Variants in PCDHGB4 observed in about 807,000 individuals in gnomAD.
PCDHGB4 encodes protocadherin gamma subfamily B, 4.
PCDHGB4 carries 38 observed loss-of-function variants against 60.5 expected under a neutral mutation model. The ratio of observed to expected loss-of-function variants is 0.63; its 90% CI spans 0.48 to 0.82. The LOEUF (loss-of-function observed/expected upper bound fraction) is 0.82. Among genes scored for constraint, PCDHGB4 ranks in the 40% least tolerant of loss-of-function variants. The pLI is 0.00. For synonymous variants in PCDHGB4, 456 were observed against 509.7 expected (o/e 0.89, Z 1.42); for missense variants, 1,109 against 1,209.6 (o/e 0.92, Z 1.23).
chr5:141,392,791 G>T, intron 1 of PCDHGB4: 1 of 1,557,836 alleles, frequency 6.4e-7, no homozygotes, highest in Non-Finnish European at 8.7e-7. Flanking sequence ...AAGATTCTGA[G>T]AGGATTCTGC....
intron 1 of PCDHGB4, among the ~76,000 whole-genome samples, chr5:141,456,538 A>T (rs1010588747): frequency 7.2e-5 from 11 of 152,184 alleles, no homozygotes; most frequent in Admixed American, 3.3e-4. Context: ...TTAAAGAGGG[A>T]TTGTAGCCAC....
chr5:141,461,255 G>A (rs1466460215), intron 1 of PCDHGB4, among the ~76,000 whole-genome samples: 1 of 152,098 alleles, frequency 6.6e-6, no homozygotes. Flanking sequence ...ATTCCCAGCA[G>A]CAATGTGTAA....
chr5:141,441,057 A>T (rs2098222263), intron 1 of PCDHGB4: 2 of 152,152 alleles, frequency 1.3e-5, no homozygotes, highest in South Asian at 4.1e-4. Flanking sequence ...ACTTTTAAAG[A>T]TTTTTAATTT....
intron 1 of PCDHGB4, chr5:141,399,248 A>G (rs2150780633): frequency 6.2e-7 from 1 of 1,613,870 alleles, no homozygotes; most frequent in South Asian, 1.1e-5. Context: ...GATTCTGGGG[A>G]AAATGGGGAG....
At chr5:141,435,447 A>C (rs2097764160) in intron 1 of PCDHGB4, among the ~76,000 whole-genome samples, 1 of 152,168 alleles carries the variant, frequency 6.6e-6, no homozygotes, top group Non-Finnish European at 1.5e-5. Context: ...CATTAATACG[A>C]TATCTGTATG....
chr5:141,388,965 G>A lies in PCDHGB4; in HGVS notation c.1081G>A (p.Gly361Arg). 2 of 1,613,978 alleles carry A rather than the reference G, an allele frequency of 1.2e-6. No individual in the cohort carries two copies. The highest frequency in any genetic ancestry group is 1.7e-6 in the Non-Finnish European group (2 of 1,179,886). ...PNLIMEDAEL[G>R]THIALLKVRD... ...CCTAATTATGGAGGACGCCGAGCTG[G>A]GAACACATATTGCTTTGCTCAAAGT... The change falls in exon 1 of 4, where the codon GGA (glycine) becomes AGA (arginine). Residue 361 changes from glycine to arginine, a missense_variant. Gly to Arg is a moderately radical substitution (Grantham distance 125, BLOSUM62 -2). Around this residue, in one of 2 missense-constraint regions of PCDHGB4, gnomAD observed 1,068 missense variants for 1,089.9 expected, o/e 0.98. Transcript: ENST00000519479.
Position 141,431,980 on chromosome 5 carries a change from C to G in PCDHGB4, c.2397+41699C>G. The G allele has an allele frequency of 6.2e-7, 1 of 1,614,214 alleles. No homozygotes were observed. The highest frequency in any genetic ancestry group is 8.5e-7 in the Non-Finnish European group (1 of 1,180,024). ...GAAATTACTATAGTTTAGTCACAGACATAGTCTTGGATAGGGAACAGGTTC... is the reference window on the plus strand; with the variant it reads ...GAAATTACTATAGTTTAGTCACAGAGATAGTCTTGGATAGGGAACAGGTTC... On this transcript the variant is annotated intron_variant, in intron 1 of 3. Transcript: ENST00000519479. The surrounding 1 kb of genome is among the most constrained non-coding windows in gnomAD (Gnocchi z 4.8).
At chr5:141,429,489 A>G (rs2097218567) in intron 1 of PCDHGB4, among the ~76,000 whole-genome samples, 1 of 152,062 alleles carries the variant, frequency 6.6e-6, no homozygotes, top group South Asian at 2.1e-4. Context: ...AGCTGAGACT[A>G]CAGTTGCCTG....
intron 1 of PCDHGB4, chr5:141,408,178 G>A (rs1425207794): frequency 1.3e-6 from 2 of 1,535,708 alleles, no homozygotes; most frequent in Non-Finnish European, 1.8e-6. Context: ...GAAAAGCGGG[G>A]ACCCAGCGAG....
At chr5:141,410,492 T>C in intron 1 of PCDHGB4, 2 of 1,613,912 alleles carry the variant, frequency 1.2e-6, no homozygotes, top group Non-Finnish European at 1.7e-6. Flanking sequence ...TACAAAAGAG[T>C]TTAATTTCCT....
rs747852798 is a variant in PCDHGB4, at chr5:141,388,032, C to T, written c.148C>T (p.Leu50Phe). ...EMPKGSVVGN[L>F]ATDLGFSVQE... ...GCCCAAGGGCTCCGTAGTGGGGAAC[C>T]TCGCCACGGACCTGGGGTTCAGCGT... The change falls in exon 1 of 4, where the codon CTC (leucine) becomes TTC (phenylalanine). Residue 50 changes from leucine to phenylalanine, a missense_variant. Transcript: ENST00000519479. The T allele has an allele frequency of 2.1e-6, 3 of 1,431,396 alleles. No homozygotes were observed. Among genetic ancestry groups the T allele is most frequent in the Non-Finnish European group, 1.9e-6 (2 of 1,053,242 alleles). The allele number at this position is 1,431,396 out of a possible 1,614,324, so 88.7% of individuals were successfully genotyped here.
In PCDHGB4 at chr5:141,430,200, T is replaced by G. The variant is rs182960813; in HGVS notation, c.2397+39919T>G. Among the ~76,000 whole-genome samples the G allele has an allele frequency of 8.2e-4, 124 of 152,052 alleles. 2 individuals are homozygous for G. Among genetic ancestry groups the G allele is most frequent in the African/African-American group, 2.9e-3 (119 of 41,468 alleles). ...CCCAAATTATAGCTGAATCAGAAAG[T>G]TTAAATTATTATATTATATGATTTG... On this transcript the variant is annotated intron_variant, in intron 1 of 3. Transcript: ENST00000519479.
chr5:141,475,202 G>T (rs746895166), intron 1 of PCDHGB4, among the ~76,000 whole-genome samples: 38 of 152,086 alleles, frequency 2.5e-4, no homozygotes, highest in Non-Finnish European at 5.3e-4. Context: ...CAAGATCTTG[G>T]GAAAAGGATT....
intron 1 of PCDHGB4, chr5:141,428,082 G>T (rs776612130): frequency 1.2e-6 from 2 of 1,609,030 alleles, no homozygotes; most frequent in South Asian, 2.2e-5. Flanking sequence ...GGGACACAAC[G>T]CTTGGCTGTC....
intron 1 of PCDHGB4, chr5:141,399,391 G>C: frequency 2.5e-6 from 4 of 1,613,964 alleles, no homozygotes; most frequent in Non-Finnish European, 3.4e-6. Flanking sequence ...CACAGCCACA[G>C]ACAGGGGCAA....
chr5:141,478,553 T>C, intron 1 of PCDHGB4: 1 of 1,602,704 alleles, frequency 6.2e-7, no homozygotes. Context: ...ACAGGTAAGG[T>C]TTAGCAAGTC....
chr5:141,495,977 T>C (rs2099765025), intron 2 of PCDHGB4, among the ~76,000 whole-genome samples: 1 of 152,174 alleles, frequency 6.6e-6, no homozygotes, highest in Admixed American at 6.5e-5. Flanking sequence ...TCTGTTACTC[T>C]TTCTTTATCT....
intron 1 of PCDHGB4, among the ~76,000 whole-genome samples, chr5:141,482,356 G>A (rs1330274684): frequency 6.6e-6 from 1 of 152,118 alleles, no homozygotes; most frequent in Non-Finnish European, 1.5e-5. Flanking sequence ...TGTTGTGAGA[G>A]TGAAAAGTAA....
Position 141,404,638 on chromosome 5 carries a change from C to T in PCDHGB4, c.2397+14357C>T, listed in dbSNP as rs776247476. On this transcript the variant is annotated intron_variant, in intron 1 of 3. Coordinates refer to ENST00000519479, the MANE Select transcript of PCDHGB4 (RefSeq NM_003736.4). Reference sequence around the variant, plus strand: ...ACCAGAATGACAATGCCCCAGAAATCCTGTACCCTGCCCTCCCCACTGATG... The same window carrying T: ...ACCAGAATGACAATGCCCCAGAAATTCTGTACCCTGCCCTCCCCACTGATG... 5 of 1,614,194 alleles carry T rather than the reference C, an allele frequency of 3.1e-6. No homozygotes were observed. In the South Asian group the frequency reaches 5.5e-5, roughly 18 times the overall value.
Sources: gnomAD v4.1 joint callset for allele counts (sites outside exome capture counted in the v4.1 genomes callset) on GRCh38, gnomAD v4.1.1 for gene constraint, gnomAD v4.1.1 regional missense constraint, Gnocchi (gnomAD v3.1) non-coding constraint, MANE v1.5 for transcripts, NCBI Gene and HGNC (gene_info 2026-07-23, HGNC 2026-07-21) for gene names.